The following DNAJC6 variants were observed in gnomAD, a reference collection of about 807,000 sequenced individuals.
DNAJC6 encodes auxilin.
A neutral mutation model predicts 110.0 loss-of-function variants in DNAJC6; 34 were observed. That is an observed-to-expected ratio of 0.31 (90% CI 0.24 to 0.41). DNAJC6 has a LOEUF of 0.41. Among genes scored for constraint, DNAJC6 ranks in the 10% least tolerant of loss-of-function variants. The probability of loss-of-function intolerance (pLI) is 1.00; values close to 1 mark genes in which losing one functional copy is unlikely to be tolerated. For missense variants in DNAJC6, 1,031 were observed against 1,207.8 expected (o/e 0.85, Z 2.17); for synonymous variants, 406 against 437.2 (o/e 0.93, Z 0.89).
chr1:65,399,343 T>C (rs1430093828), intron 14 of DNAJC6, among the ~76,000 whole-genome samples: 4 of 152,202 alleles, frequency 2.6e-5, no homozygotes, highest in Admixed American at 1.3e-4. Context: ...AAGTACTTAC[T>C]TCAGGGTGGG....
intron 1 of DNAJC6, among the ~76,000 whole-genome samples, chr1:65,303,623 A>G (rs986414096): frequency 2.6e-5 from 4 of 151,356 alleles, no homozygotes; most frequent in Admixed American, 2.6e-4. Flanking sequence ...CAGTGGCATG[A>G]TCTCGGCTCA....
rs143623702 is a variant in DNAJC6, at chr1:65,267,494, G to A, written c.-131+2562G>A. The stretch of plus-strand genomic sequence containing the variant: ...ATAGCAGAGGTAACTACTGTTTCCT[G>A]AAACTTCTGTTATAGATATTTATCT... On this transcript the variant is annotated intron_variant, in intron 1 of 19. Coordinates refer to the DNAJC6 transcript ENST00000263441. Among the ~76,000 whole-genome samples the A allele has an allele frequency of 1.9e-4, 29 of 151,754 alleles. No homozygotes were observed. In the East Asian group the frequency reaches 4.4e-3, roughly 23 times the overall value.
intron 1 of DNAJC6, among the ~76,000 whole-genome samples, chr1:65,280,048 T>C (rs552327): frequency 0.79 from 119,320 of 151,958 alleles, 47,123 homozygotes; most frequent in East Asian, 1. Flanking sequence ...AAGGTTGTTG[T>C]GAGATTAGAA....
At chr1:65,368,653 C>T (rs1645673578) in intron 4 of DNAJC6, among the ~76,000 whole-genome samples, 2 of 148,786 alleles carry the variant, frequency 1.3e-5, no homozygotes, top group African/African-American at 2.5e-5. Context: ...TCTTCTTCTC[C>T]CTTCCTCCTT....
At position 65,292,618 on chromosome 1, in the gene DNAJC6, A is replaced by G. The variant is rs908215099; in HGVS notation, c.-131+27686A>G. Reference sequence around the variant, plus strand: ...GCTATTTTCTTTAATTTTTTTTTGTAGAGATGGGGTCTCATCATGTTGCCT... The same window carrying G: ...GCTATTTTCTTTAATTTTTTTTTGTGGAGATGGGGTCTCATCATGTTGCCT... On this transcript the variant is annotated intron_variant, in intron 1 of 19. Transcript: ENST00000263441. Among the ~76,000 whole-genome samples the G allele has an allele frequency of 1.7e-4, 26 of 151,370 alleles. 1 individual carries two copies. The highest frequency in any genetic ancestry group is 4.4e-5 in the Non-Finnish European group (3 of 67,852).
intron 1 of DNAJC6, among the ~76,000 whole-genome samples, chr1:65,363,204 G>A (rs1284743670): frequency 1.3e-5 from 2 of 152,152 alleles, no homozygotes; most frequent in Non-Finnish European, 2.9e-5. Flanking sequence ...CCTGACCCGT[G>A]GAGATTACAA....
intron 1 of DNAJC6, among the ~76,000 whole-genome samples, chr1:65,361,355 A>G (rs961103461): frequency 2.6e-5 from 4 of 152,216 alleles, no homozygotes; most frequent in Admixed American, 2.0e-4. Flanking sequence ...TCATTTTCTA[A>G]TAGATGTCTA....
intron 12 of DNAJC6, among the ~76,000 whole-genome samples, chr1:65,393,131 C>T (rs1645945079): frequency 6.6e-6 from 1 of 152,180 alleles, no homozygotes; most frequent in African/African-American, 2.4e-5. Context: ...ACTTCAACCC[C>T]TGAGCTGCAT....
chr1:65,277,751 A>G (rs1653718614), intron 1 of DNAJC6, among the ~76,000 whole-genome samples: 1 of 152,198 alleles, frequency 6.6e-6, no homozygotes, highest in Non-Finnish European at 1.5e-5. Flanking sequence ...CTAGGTGGTA[A>G]GGTGGCCAGA....
At chr1:65,300,910 C>A (rs11208622) in intron 1 of DNAJC6, among the ~76,000 whole-genome samples, 17,275 of 152,082 alleles carry the variant, frequency 0.11, 1,281 homozygotes, top group East Asian at 0.27. Flanking sequence ...TATGGCCCAG[C>A]ACCCTGTTAG....
intron 4 of DNAJC6, among the ~76,000 whole-genome samples, chr1:65,374,714 T>C (rs1032852341): frequency 3.3e-5 from 5 of 152,188 alleles, no homozygotes; most frequent in Admixed American, 6.5e-5. Flanking sequence ...CATAAGATCA[T>C]GTTGAGTTCG....
At chr1:65,383,135 G>C (rs1196905724) in intron 5 of DNAJC6, among the ~76,000 whole-genome samples, 1 of 152,204 alleles carries the variant, frequency 6.6e-6, no homozygotes, top group Non-Finnish European at 1.5e-5. Context: ...TCAAGTATGA[G>C]TAATCTCCCT....
At chr1:65,342,048 A>G (rs1464378775) in intron 1 of DNAJC6, among the ~76,000 whole-genome samples, 1 of 152,168 alleles carries the variant, frequency 6.6e-6, no homozygotes, top group Admixed American at 6.5e-5. Context: ...CAGAGCAGAC[A>G]TCAGGCCAAG....
In DNAJC6 at chr1:65,379,533, C is replaced by T. The variant is rs1364115124; in HGVS notation, c.666+9C>T. ...GTGTTGTCCACTGCTTGGTGAGTAACCTTTTGTTGTTGGTGGTGATGGTTT... is the reference window on the plus strand; with the variant it reads ...GTGTTGTCCACTGCTTGGTGAGTAATCTTTTGTTGTTGGTGGTGATGGTTT... On this transcript the variant is annotated intron_variant, in intron 5 of 18. Transcript: ENST00000371069. The T allele has an allele frequency of 6.2e-7, 1 of 1,613,432 alleles. No homozygotes were observed. Among genetic ancestry groups the T allele is most frequent in the Non-Finnish European group, 8.5e-7 (1 of 1,179,792 alleles).
At chr1:65,360,652 T>C (rs1475508585) in intron 1 of DNAJC6, among the ~76,000 whole-genome samples, 1 of 152,188 alleles carries the variant, frequency 6.6e-6, no homozygotes, top group African/African-American at 2.4e-5. Context: ...TGGTGGGGTG[T>C]GTTTACAGGG....
At chr1:65,279,141 T>C in intron 1 of DNAJC6, 3 of 985,450 alleles carry the variant, frequency 3.0e-6, no homozygotes, top group Non-Finnish European at 3.6e-6. Flanking sequence ...GATCCTCTTT[T>C]AAAGCCATTT....
At chr1:65,409,439 G>C (rs1253317053) in intron 17 of DNAJC6, among the ~76,000 whole-genome samples, 1 of 152,158 alleles carries the variant, frequency 6.6e-6, no homozygotes, top group Non-Finnish European at 1.5e-5. Flanking sequence ...TTGTTTGCCT[G>C]TTCAAATGAG....
chr1:65,380,011 G>A (rs1349538701), intron 5 of DNAJC6, among the ~76,000 whole-genome samples: 3 of 152,160 alleles, frequency 2.0e-5, no homozygotes, highest in African/African-American at 7.2e-5. Context: ...ACTTCCTAGA[G>A]TTCCTTTCCC....
chr1:65,335,730 C>T (rs915529766), intron 1 of DNAJC6, among the ~76,000 whole-genome samples: 2 of 152,154 alleles, frequency 1.3e-5, no homozygotes, highest in African/African-American at 4.8e-5. Context: ...AAGAGGGGTA[C>T]AGAGGCCTGT....
Sources: gnomAD v4.1 joint callset for allele counts (sites outside exome capture counted in the v4.1 genomes callset) on GRCh38, gnomAD v4.1.1 for gene constraint, MANE v1.5 for transcripts, NCBI Gene and HGNC (gene_info 2026-07-23, HGNC 2026-07-21) for gene names.